NMNAT2: variants seen among roughly 807,000 people sequenced by gnomAD.
NMNAT2 encodes the protein nicotinamide/nicotinic acid mononucleotide adenylyltransferase 2.
NMNAT2 carries 11 observed loss-of-function variants against 41.6 expected under a neutral mutation model. The ratio of observed to expected loss-of-function variants is 0.26; its 90% CI spans 0.17 to 0.44. The LOEUF is 0.44. Among genes scored for constraint, NMNAT2 ranks in the 20% least tolerant of loss-of-function variants. NMNAT2 has a pLI of 1.00. For missense variants in NMNAT2, 288 were observed against 407.7 expected, an observed-to-expected ratio of 0.71 and a Z score of 2.53; for synonymous variants, 148 against 151.2, an observed-to-expected ratio of 0.98 and a Z score of 0.16.
chr1:183,283,663 G>A (rs1661324921), intron 7 of NMNAT2: 1 of 378,104 alleles, frequency 2.6e-6, no homozygotes, highest in Admixed American at 3.8e-5. Flanking sequence ...CCTCATTTGT[G>A]TGCAGTGTCT....
chr1:183,277,072 A>G (rs569685064), intron 8 of NMNAT2, among the ~76,000 whole-genome samples: 1 of 152,294 alleles, frequency 6.6e-6, no homozygotes, highest in South Asian at 2.1e-4. Flanking sequence ...GCGTGACTGT[A>G]TGTCAGGTGC....
rs1386605642 is a variant in NMNAT2, at chr1:183,278,703, C to T, written c.575-74G>A. ...AAGCATTTGACCCTCAGCCTTCTTC[C>T]CCTGGTGAATACATAACTCTCCCAC... On this transcript the variant is annotated intron_variant, in intron 7 of 10. Transcript: ENST00000287713. The T allele has an allele frequency of 5.7e-6, 6 of 1,050,912 alleles. No individual in the cohort carries two copies. In the Admixed American group the frequency reaches 7.0e-5, roughly 12 times the overall value. 65.1% of individuals were successfully genotyped at this position (1,050,912 alleles called of 1,614,324 possible). A position where few individuals can be genotyped will look rare whatever the true frequency, so the allele number is the denominator to read the frequency against.
At chr1:183,335,348 A>G (rs994352849) in intron 1 of NMNAT2, among the ~76,000 whole-genome samples, 7 of 152,186 alleles carry the variant, frequency 4.6e-5, no homozygotes, top group Non-Finnish European at 8.8e-5. Context: ...TGAAAAATCT[A>G]TACCTCCAGC....
intron 1 of NMNAT2, among the ~76,000 whole-genome samples, chr1:183,366,113 A>G (rs368564906): frequency 6.6e-6 from 1 of 152,344 alleles, no homozygotes; most frequent in South Asian, 2.1e-4. Context: ...AAAGAAACCC[A>G]AGAAATGGCT....
At chr1:183,293,930 A>G (rs572534619) in intron 1 of NMNAT2, 137 bp from the exon 2 acceptor site, 1 of 663,120 alleles carries the variant, frequency 1.5e-6, no homozygotes, top group Non-Finnish European at 2.6e-6. Flanking sequence ...GAAAATGTCA[A>G]CTTTCAAAGC....
At chr1:183,286,248 T>C (rs758234487) in intron 5 of NMNAT2, among the ~76,000 whole-genome samples, 3 of 151,982 alleles carry the variant, frequency 2.0e-5, no homozygotes, top group Non-Finnish European at 4.4e-5. Flanking sequence ...ATTTTTGTTA[T>C]TGTTATTATT....
In NMNAT2 at chr1:183,279,988, C is replaced by A. The variant is rs571124332; in HGVS notation, c.575-1359G>T. ...CAACAGATGAGCTGACAACAGAGATCCTGCAGGCTGCCTTCCGGGCAATCT... is the reference window on the plus strand; with the variant it reads ...CAACAGATGAGCTGACAACAGAGATACTGCAGGCTGCCTTCCGGGCAATCT... On this transcript the variant is annotated intron_variant, in intron 7 of 10. Transcript: ENST00000287713. Among the ~76,000 whole-genome samples the A allele has an allele frequency of 3.3e-5, 5 of 152,334 alleles. No homozygotes were observed. In the South Asian group the frequency reaches 1.0e-3, roughly 32 times the overall value.
At chr1:183,401,857 C>T (rs1310032794) in intron 1 of NMNAT2, among the ~76,000 whole-genome samples, 1 of 142,488 alleles carries the variant, frequency 7.0e-6, no homozygotes, top group African/African-American at 2.6e-5. Flanking sequence ...TAGGTGGGAA[C>T]TGAACAATGA....
chr1:183,384,932 C>A (rs1259716278), intron 1 of NMNAT2, among the ~76,000 whole-genome samples: 1 of 152,020 alleles, frequency 6.6e-6, no homozygotes, highest in Non-Finnish European at 1.5e-5. Flanking sequence ...TGGCTCACAT[C>A]TGTAGTCCCA....
chr1:183,278,479 A>C, intron 8 of NMNAT2, 74 bp downstream of exon 8: 2 of 995,990 alleles, frequency 2.0e-6, no homozygotes, highest in Non-Finnish European at 3.2e-6. Context: ...TGAAGACAGG[A>C]GGCCAAAATC....
chr1:183,265,358 C>G (rs1318868647), intron 8 of NMNAT2, among the ~76,000 whole-genome samples: 1 of 142,058 alleles, frequency 7.0e-6, no homozygotes, highest in African/African-American at 2.6e-5. Context: ...CCTCCACCTC[C>G]TGGGTTCAAG....
chr1:183,375,281 A>G (rs1663651285), intron 1 of NMNAT2, among the ~76,000 whole-genome samples: 1 of 152,196 alleles, frequency 6.6e-6, no homozygotes, highest in Non-Finnish European at 1.5e-5. Flanking sequence ...TTATCCAATC[A>G]TTTGACAAAT....
intron 8 of NMNAT2, among the ~76,000 whole-genome samples, chr1:183,274,730 G>A (rs1558113065): frequency 1.3e-5 from 2 of 148,778 alleles, no homozygotes; most frequent in African/African-American, 2.5e-5. Flanking sequence ...TCAGGAGTTC[G>A]AGACCAGCCT....
chr1:183,275,624 T>A (rs1196161080), intron 8 of NMNAT2, among the ~76,000 whole-genome samples: 1 of 151,826 alleles, frequency 6.6e-6, no homozygotes, highest in African/African-American at 2.4e-5. Context: ...GACTCCAGGA[T>A]GGCTAACCCA....
chr1:183,370,375 T>A (rs1032342881), intron 1 of NMNAT2, among the ~76,000 whole-genome samples: 1 of 152,168 alleles, frequency 6.6e-6, no homozygotes, highest in Non-Finnish European at 1.5e-5. Context: ...TGAGTTTCCA[T>A]TTCTGCTTCA....
intron 1 of NMNAT2, among the ~76,000 whole-genome samples, chr1:183,367,286 C>T (rs747048195): frequency 1.6e-4 from 25 of 152,012 alleles, no homozygotes; most frequent in Non-Finnish European, 2.9e-4. Context: ...TGGAGAAAAC[C>T]CATCTCTACT....
intron 1 of NMNAT2, among the ~76,000 whole-genome samples, chr1:183,415,423 T>C (rs1649227530): frequency 6.6e-6 from 1 of 152,248 alleles, no homozygotes; most frequent in Admixed American, 6.5e-5. Context: ...AAAGCACATA[T>C]ATGAATCTCA....
chr1:183,338,082 T>C (rs1215246555), intron 1 of NMNAT2, among the ~76,000 whole-genome samples: 1 of 145,204 alleles, frequency 6.9e-6, no homozygotes, highest in African/African-American at 2.6e-5. Flanking sequence ...GCATCTGTAG[T>C]CCTAGCTACA....
At chr1:183,398,966 T>C (rs888006588) in intron 1 of NMNAT2, among the ~76,000 whole-genome samples, 1 of 152,052 alleles carries the variant, frequency 6.6e-6, no homozygotes, top group South Asian at 2.1e-4. Context: ...GCAGGAAAGA[T>C]CTAAAATTGA....
Sources: allele counts gnomAD v4.1 joint callset (sites outside exome capture counted in the v4.1 genomes callset), GRCh38; gene constraint gnomAD v4.1.1; transcripts MANE v1.5; gene names NCBI Gene and HGNC (gene_info 2026-07-23, HGNC 2026-07-21).